Variants in LGSN observed in about 807,000 individuals in gnomAD.
LGSN encodes lengsin, lens protein with glutamine synthetase domain.
Under a neutral mutation model 19.5 loss-of-function variants are expected in LGSN, and 21 were observed. The observed-to-expected ratio is 1.07, with a 90% CI of 0.76 to 1.55. The LOEUF (loss-of-function observed/expected upper bound fraction) is 1.55, where lower values mean the gene tolerates loss of function less well. Ranked by LOEUF, LGSN falls within the 40% of genes most tolerant of loss-of-function variation. The pLI, the probability that LGSN is intolerant of heterozygous loss-of-function variation, is 0.00. For synonymous variants in LGSN, 257 were observed against 215.6 expected, an observed-to-expected ratio of 1.19 and a Z score of -1.68; for missense variants, 673 against 608.5, an observed-to-expected ratio of 1.11 and a Z score of -1.12.
chr6:63,293,776 G>T (rs1027857288), intron 2 of LGSN: 3 of 456,546 alleles, frequency 6.6e-6, no homozygotes, highest in African/African-American at 4.0e-5. Context: ...TATGACAGAT[G>T]AGACTCAGCA....
the LGSN span, among the ~76,000 whole-genome samples, chr6:63,460,654 AG>A: frequency 6.6e-6 from 1 of 152,172 alleles, no homozygotes; most frequent in East Asian, 1.9e-4. Flanking sequence ...CTATTACTTA[AG>A]TGAAAACTAT....
chr6:63,346,078 C>T, the LGSN span, among the ~76,000 whole-genome samples: 1 of 152,156 alleles, frequency 6.6e-6, no homozygotes, highest in African/African-American at 2.4e-5. Context: ...CGGTTCCTGG[C>T]ACATAACTCC....
the LGSN span, among the ~76,000 whole-genome samples, chr6:63,431,974 G>A: frequency 6.6e-6 from 1 of 151,876 alleles, no homozygotes; most frequent in African/African-American, 2.4e-5. Context: ...TACTCGGGAG[G>A]CTGAGGCAGG....
chr6:63,513,749 A>G, the LGSN span, among the ~76,000 whole-genome samples: 3 of 151,882 alleles, frequency 2.0e-5, no homozygotes, highest in African/African-American at 7.3e-5. Flanking sequence ...CGTCTCTACT[A>G]AAAATACAAA....
chr6:63,486,682 C>CTTT, the LGSN span, among the ~76,000 whole-genome samples: 638 of 115,798 alleles, frequency 5.5e-3, 16 homozygotes, highest in African/African-American at 0.017. Context: ...TTATTTTCTT[C>CTTT]TTTTTTTTTT....
the LGSN span, among the ~76,000 whole-genome samples, chr6:63,370,340 A>G: frequency 7.9e-4 from 121 of 152,290 alleles, no homozygotes; most frequent in African/African-American, 2.9e-3. Flanking sequence ...GTGAACACTC[A>G]TAGTTTAACT....
chr6:63,380,836 T>C, the LGSN span, among the ~76,000 whole-genome samples: 2 of 152,190 alleles, frequency 1.3e-5, no homozygotes, highest in South Asian at 2.1e-4. Context: ...TATTTGGAAT[T>C]TGATCTCAAT....
At chr6:63,412,695 GAAA>G in the LGSN span, among the ~76,000 whole-genome samples, 3 of 114,334 alleles carry the variant, frequency 2.6e-5, no homozygotes, top group African/African-American at 1.1e-4. Context: ...GAAAGAGAAA[GAAA>G]GAAAGAAAGA....
the LGSN span, among the ~76,000 whole-genome samples, chr6:63,540,857 GC>G: frequency 5.2e-4 from 78 of 150,294 alleles, no homozygotes; most frequent in African/African-American, 1.8e-3. Flanking sequence ...AAAAAAAATA[GC>G]CGGTCTTGGT....
intron 3 of LGSN, among the ~76,000 whole-genome samples, chr6:63,283,793 C>T (rs1294873082): frequency 2.0e-5 from 3 of 151,944 alleles, no homozygotes; most frequent in Non-Finnish European, 4.4e-5. Flanking sequence ...CTCCGCCTTC[C>T]GGGTTCAAGC....
chr6:63,338,438 T>C, the LGSN span, among the ~76,000 whole-genome samples: 4 of 152,144 alleles, frequency 2.6e-5, no homozygotes, highest in South Asian at 2.1e-4. Flanking sequence ...GTAGGTTATA[T>C]ATGTTCAGGA....
the LGSN span, among the ~76,000 whole-genome samples, chr6:63,403,684 G>A: frequency 6.6e-6 from 1 of 151,910 alleles, no homozygotes; most frequent in South Asian, 2.1e-4. Context: ...AATGACAGAG[G>A]TGAGATCACT....
At chr6:63,285,094 A>G (rs896847347) in intron 3 of LGSN, among the ~76,000 whole-genome samples, 1 of 152,210 alleles carries the variant, frequency 6.6e-6, no homozygotes, top group Non-Finnish European at 1.5e-5. Flanking sequence ...CATTTTTGGG[A>G]ATTTAATAAT....
the LGSN span, among the ~76,000 whole-genome samples, chr6:63,343,114 A>T: frequency 0.016 from 2,371 of 152,328 alleles, 64 homozygotes; most frequent in African/African-American, 0.054. Flanking sequence ...GCCTATTCAT[A>T]TGAGTTATAA....
chr6:63,423,749 T>A, the LGSN span, among the ~76,000 whole-genome samples: 2 of 151,748 alleles, frequency 1.3e-5, no homozygotes, highest in African/African-American at 2.4e-5. Flanking sequence ...AAAAAACTGA[T>A]AGAACTGACC....
At chr6:63,521,270 C>A in the LGSN span, among the ~76,000 whole-genome samples, 4 of 151,936 alleles carry the variant, frequency 2.6e-5, no homozygotes, top group Non-Finnish European at 5.9e-5. Context: ...AAGAAAAAAA[C>A]GGCAAATAAT....
the LGSN span, among the ~76,000 whole-genome samples, chr6:63,416,598 C>T: frequency 1.6e-4 from 24 of 151,604 alleles, no homozygotes; most frequent in Non-Finnish European, 1.8e-4. Flanking sequence ...TTTTTTGAGA[C>T]GGAGTTTCAT....
At chr6:63,384,197 T>C in the LGSN span, among the ~76,000 whole-genome samples, 1 of 152,188 alleles carries the variant, frequency 6.6e-6, no homozygotes, top group Non-Finnish European at 1.5e-5. Context: ...TCATTTGATG[T>C]CTACCTCTCT....
intron 2 of LGSN, among the ~76,000 whole-genome samples, chr6:63,290,527 T>G (rs963548669): frequency 3.3e-5 from 5 of 152,196 alleles, no homozygotes; most frequent in Admixed American, 6.5e-5. Flanking sequence ...TTAGAAAATT[T>G]TATGTAAAAA....
Sources: gnomAD v4.1 joint callset for allele counts (sites outside exome capture counted in the v4.1 genomes callset) on GRCh38, gnomAD v4.1.1 for gene constraint, MANE v1.5 for transcripts, NCBI Gene and HGNC (gene_info 2026-07-23, HGNC 2026-07-21) for gene names.